The following STK33 variants were observed in gnomAD, a reference collection of about 807,000 sequenced individuals.
The protein encoded by STK33 is serine/threonine kinase 33, also known as serine/threonine-protein kinase 33.
In STK33, 52 loss-of-function variants were observed where a neutral mutation model predicts 58.0. The ratio of observed to expected loss-of-function variants is 0.90; its 90% CI spans 0.72 to 1.13. The LOEUF (loss-of-function observed/expected upper bound fraction) is 1.13, where lower values mean the gene tolerates loss of function less well. Among genes scored for constraint, STK33 ranks in the 50% most tolerant of loss-of-function variants. STK33 has a pLI of 0.00. For synonymous variants in STK33, 215 were observed against 200.1 expected (o/e 1.07, Z -0.63); for missense variants, 630 against 604.2 (o/e 1.04, Z -0.45).
At chr11:8,561,871 G>A (rs967946002) in intron 1 of STK33, among the ~76,000 whole-genome samples, 1 of 152,160 alleles carries the variant, frequency 6.6e-6, no homozygotes, top group African/African-American at 2.4e-5. Context: ...CACCAGGACT[G>A]CTTATCTCAA....
intron 6 of STK33, among the ~76,000 whole-genome samples, chr11:8,470,379 C>T (rs1948662676): frequency 6.6e-6 from 1 of 152,190 alleles, no homozygotes; most frequent in Non-Finnish European, 1.5e-5. Context: ...AAAACAGGGC[C>T]TTGCTCTGGA....
Position 8,454,730 on chromosome 11 carries a change from A to G in STK33, c.786+14T>C. 6.4e-7 allele frequency: 1 copy of G among 1,562,250 alleles called. No individual in the cohort carries two copies. On this transcript the variant is annotated intron_variant, in intron 10 of 15. Transcript: ENST00000687296. The stretch of plus-strand genomic sequence containing the variant: ...TGTTTACAGGCAAATATTTACCACC[A>G]TTGCTAATCTTACCTTTATGTTTAA...
intron 1 of STK33, among the ~76,000 whole-genome samples, chr11:8,591,187 A>G (rs1336482424): frequency 6.6e-6 from 1 of 152,192 alleles, no homozygotes; most frequent in Non-Finnish European, 1.5e-5. Flanking sequence ...CAGCAGTATA[A>G]GCTCTTTTCT....
chr11:8,450,506 G>T lies in STK33; in HGVS notation c.871+2316C>A, dbSNP rs549471728. On this transcript the variant is annotated intron_variant, in intron 11 of 15. Transcript: ENST00000687296. ...ACCACCATGGCACATGTATACCTAT[G>T]TAACAAACCTACACCTTCTGTACAT... is the stretch of plus-strand genomic sequence containing the variant. 7.2e-5 allele frequency among the ~76,000 whole-genome samples: 11 copies of T among 151,744 alleles called. No individual in the cohort carries two copies. In the South Asian group the frequency reaches 2.3e-3, roughly 31 times the overall value.
intron 9 of STK33, 61 bp downstream of exon 9, chr11:8,457,280 C>T: frequency 7.1e-7 from 1 of 1,403,618 alleles, no homozygotes; most frequent in Non-Finnish European, 9.5e-7. Flanking sequence ...ATACAATTAC[C>T]CTTAAACAAA....
intron 1 of STK33, among the ~76,000 whole-genome samples, chr11:8,510,256 T>A (rs1336784181): frequency 6.6e-6 from 1 of 152,224 alleles, no homozygotes; most frequent in East Asian, 1.9e-4. Context: ...TAATTAGTGA[T>A]GTTGAGCATT....
intron 1 of STK33, among the ~76,000 whole-genome samples, chr11:8,560,189 C>T (rs1957027211): frequency 6.6e-6 from 1 of 152,028 alleles, no homozygotes; most frequent in Non-Finnish European, 1.5e-5. Context: ...AATGTGTGAG[C>T]ATTTATTATT....
intron 15 of STK33, among the ~76,000 whole-genome samples, chr11:8,399,889 A>C (rs1850076034): frequency 6.6e-6 from 1 of 152,186 alleles, no homozygotes; most frequent in African/African-American, 2.4e-5. Flanking sequence ...TAAATTCCTC[A>C]ACACATACAC....
At chr11:8,472,368 G>A (rs1291072463) in intron 6 of STK33, among the ~76,000 whole-genome samples, 1 of 152,050 alleles carries the variant, frequency 6.6e-6, no homozygotes, top group Non-Finnish European at 1.5e-5. Context: ...ATCATTTCTA[G>A]CTTTTGATTT....
At position 8,398,378 on chromosome 11, in the gene STK33, G is replaced by T. The variant is rs530940609; in HGVS notation, c.1345-5668C>A. Among the ~76,000 whole-genome samples the T allele has an allele frequency of 5.9e-5, 9 of 152,246 alleles. No homozygotes were observed. The East Asian group carries it at 7.7e-4, about 13-fold the overall frequency. On this transcript the variant is annotated intron_variant, in intron 15 of 15. Transcript: ENST00000687296. ...GCCAAACTAAGTTTCATAAGTGAAA[G>T]AGAAATAAAATCCTTCACAGACAAG...
the STK33 span, among the ~76,000 whole-genome samples, chr11:8,351,509 T>C: frequency 6.6e-6 from 1 of 152,212 alleles, no homozygotes. Context: ...GCACGGGTGA[T>C]GGATGAGCTC....
intron 1 of STK33, among the ~76,000 whole-genome samples, chr11:8,520,057 C>A (rs1162762934): frequency 5.3e-5 from 8 of 152,114 alleles, no homozygotes; most frequent in Non-Finnish European, 1.0e-4. Flanking sequence ...GAATTTTAGA[C>A]CAATATCCCT....
chr11:8,400,626 C>T (rs1227869184), intron 15 of STK33, among the ~76,000 whole-genome samples: 2 of 152,096 alleles, frequency 1.3e-5, no homozygotes, highest in Admixed American at 6.6e-5. Flanking sequence ...CCAGGGCAAT[C>T]AGGCAGGAGA....
the STK33 span, among the ~76,000 whole-genome samples, chr11:8,341,780 C>A: frequency 6.6e-6 from 1 of 152,328 alleles, no homozygotes; most frequent in South Asian, 2.1e-4. Context: ...AGACACACCA[C>A]CTCTCAGAGA....
chr11:8,380,276 T>C, the STK33 span, among the ~76,000 whole-genome samples: 1 of 152,178 alleles, frequency 6.6e-6, no homozygotes, highest in African/African-American at 2.4e-5. Context: ...ACGGCCATTA[T>C]TGGCCAGGCA....
intron 12 of STK33, among the ~76,000 whole-genome samples, chr11:8,439,891 G>A (rs1944531186): frequency 1.7e-5 from 1 of 60,034 alleles, no homozygotes; most frequent in Admixed American, 1.7e-4. Flanking sequence ...ATATATCAGA[G>A]GCTTTTATAT....
At chr11:8,541,659 T>C (rs1955529553) in intron 1 of STK33, among the ~76,000 whole-genome samples, 1 of 152,224 alleles carries the variant, frequency 6.6e-6, no homozygotes, top group African/African-American at 2.4e-5. Context: ...CCTAAATTCG[T>C]TGCTATTTTA....
rs1564833216 is a variant in STK33, at chr11:8,392,542, C to T, written c.1513G>A (p.Gly505Ser). The change falls in exon 16 of 16, where the codon GGC (glycine) becomes AGC (serine). Residue 505 changes from glycine (G) to serine (S), a missense_variant. Coordinates refer to ENST00000687296, the MANE Select transcript of STK33 (RefSeq NM_001352389.2). ...GTATKYPAKS[G>S]ALSRTKKKL ...TTCTTTTTGGTTCTGGACAGGGCGC[C>T]GGATTTAGCAGGGTACTTGGTTGCT... 8 of 1,614,186 alleles carry T rather than the reference C, an allele frequency of 5.0e-6. No individual in the cohort carries two copies. Among genetic ancestry groups the T allele is most frequent in the East Asian group, 4.5e-5 (2 of 44,888 alleles).
At chr11:8,496,268 T>C (rs1306170272) in intron 1 of STK33, among the ~76,000 whole-genome samples, 1 of 152,208 alleles carries the variant, frequency 6.6e-6, no homozygotes, top group Non-Finnish European at 1.5e-5. Flanking sequence ...TAATTTAACT[T>C]TGCCATACAC....
Sources: gnomAD v4.1 joint callset for allele counts (sites outside exome capture counted in the v4.1 genomes callset) on GRCh38, gnomAD v4.1.1 for gene constraint, MANE v1.5 for transcripts, NCBI Gene and HGNC (gene_info 2026-07-23, HGNC 2026-07-21) for gene names.